Variants in TTLL11 observed in about 807,000 individuals in gnomAD.
TTLL11 encodes tubulin polyglutamylase TTLL11.
Under a neutral mutation model 51.7 loss-of-function variants are expected in TTLL11, and 42 were observed. The observed-to-expected ratio is 0.81, with a 90% confidence interval of 0.64 to 1.05. The LOEUF (loss-of-function observed/expected upper bound fraction) is 1.05, where lower values mean the gene tolerates loss of function less well. Ranked by LOEUF, TTLL11 falls within the 50% of genes least tolerant of loss-of-function variation. The pLI, the probability that TTLL11 is intolerant of heterozygous loss-of-function variation, is 0.00. For synonymous variants in TTLL11, 381 were observed against 383.5 expected (o/e 0.99, Z 0.08); for missense variants, 799 against 940.4 (o/e 0.85, Z 1.97).
intron 6 of TTLL11, among the ~76,000 whole-genome samples, chr9:121,891,291 C>A (rs1278908838): frequency 6.6e-6 from 1 of 152,206 alleles, no homozygotes; most frequent in Admixed American, 6.5e-5. Context: ...ACTGCTTCAA[C>A]CTGAAACAAT....
chr9:121,978,884 C>T (rs1842772241), intron 4 of TTLL11, among the ~76,000 whole-genome samples: 1 of 152,172 alleles, frequency 6.6e-6, no homozygotes. Flanking sequence ...ACAAATTCAG[C>T]GTATCCAAAC....
intron 3 of TTLL11, among the ~76,000 whole-genome samples, chr9:122,004,883 A>T (rs1442778618): frequency 6.6e-6 from 1 of 152,198 alleles, no homozygotes; most frequent in Non-Finnish European, 1.5e-5. Context: ...AAAGACAAGA[A>T]CCACATCAGC....
intron 1 of TTLL11, among the ~76,000 whole-genome samples, chr9:122,088,037 G>A (rs1846173103): frequency 6.6e-6 from 1 of 152,216 alleles, no homozygotes; most frequent in Admixed American, 6.5e-5. Context: ...AATCATCTGA[G>A]GGCTGGCATG....
chr9:122,027,483 A>G (rs1012942316), intron 3 of TTLL11, among the ~76,000 whole-genome samples: 1 of 152,226 alleles, frequency 6.6e-6, no homozygotes, highest in Non-Finnish European at 1.5e-5. Flanking sequence ...GGACATTAGT[A>G]GGACAACAGG....
intron 8 of TTLL11, among the ~76,000 whole-genome samples, chr9:121,849,708 C>A (rs1463866481): frequency 6.6e-6 from 1 of 152,110 alleles, no homozygotes; most frequent in African/African-American, 2.4e-5. Flanking sequence ...GCACTATATA[C>A]CTATCAAAAT....
At chr9:121,972,593 G>A (rs933547779) in intron 6 of TTLL11, among the ~76,000 whole-genome samples, 8 of 152,244 alleles carry the variant, frequency 5.3e-5, no homozygotes, top group African/African-American at 1.7e-4. Context: ...CAAGAACTCA[G>A]CCGGGCCGGC....
chr9:121,917,899 T>C (rs1273584871), intron 6 of TTLL11, among the ~76,000 whole-genome samples: 1 of 152,192 alleles, frequency 6.6e-6, no homozygotes, highest in Admixed American at 6.5e-5. Context: ...AAGCATGTGA[T>C]TCCACTTTAG....
chr9:121,870,396 A>T, intron 7 of TTLL11, 101 bp downstream of exon 7: 1 of 1,435,918 alleles, frequency 7.0e-7, no homozygotes, highest in Non-Finnish European at 9.3e-7. Flanking sequence ...ACCCAGCACC[A>T]CAGATTCTCC....
intron 7 of TTLL11, among the ~76,000 whole-genome samples, chr9:121,863,809 G>A (rs1254964547): frequency 1.3e-5 from 2 of 152,214 alleles, no homozygotes; most frequent in Admixed American, 1.3e-4. Flanking sequence ...CGTATGCTGA[G>A]GCTCAAGAGA....
At chr9:121,922,369 T>C (rs900487084) in intron 6 of TTLL11, among the ~76,000 whole-genome samples, 3 of 152,180 alleles carry the variant, frequency 2.0e-5, no homozygotes, top group Admixed American at 6.5e-5. Context: ...GGTGTCAATG[T>C]TGAATTTTTA....
chr9:122,023,426 T>C (rs377040754), intron 3 of TTLL11, among the ~76,000 whole-genome samples: 1 of 151,860 alleles, frequency 6.6e-6, no homozygotes, highest in Non-Finnish European at 1.5e-5. Flanking sequence ...AAGTAGAAAA[T>C]ATTTTATAAT....
chr9:121,952,038 C>A (rs1283571355), intron 6 of TTLL11, among the ~76,000 whole-genome samples: 1 of 152,182 alleles, frequency 6.6e-6, no homozygotes, highest in Non-Finnish European at 1.5e-5. Flanking sequence ...TTTACTGCAA[C>A]CTGTTTTATC....
chr9:121,900,537 C>T (rs888406510), intron 6 of TTLL11, among the ~76,000 whole-genome samples: 1 of 152,174 alleles, frequency 6.6e-6, no homozygotes. Context: ...TTTCTATTCT[C>T]ATTGGAAAAT....
At chr9:122,033,920 C>A (rs528250212) in intron 2 of TTLL11, among the ~76,000 whole-genome samples, 17 of 152,344 alleles carry the variant, frequency 1.1e-4, no homozygotes, top group Middle Eastern at 3.4e-3. Flanking sequence ...AAAATCACAG[C>A]TATTTCCTTT....
intron 1 of TTLL11, among the ~76,000 whole-genome samples, chr9:122,091,291 C>T (rs1406756020): frequency 1.3e-5 from 2 of 152,194 alleles, no homozygotes; most frequent in African/African-American, 2.4e-5. Context: ...ACAAGTTGTC[C>T]AGTTGTACCT....
chr9:121,824,217 C>A (rs1384629489), intron 8 of TTLL11, among the ~76,000 whole-genome samples: 1 of 152,128 alleles, frequency 6.6e-6, no homozygotes, highest in Non-Finnish European at 1.5e-5. Context: ...TGGCTCACAC[C>A]TGTAATCCTA....
At chr9:122,055,244 A>ATAGATAG (rs1244985561) in intron 1 of TTLL11, among the ~76,000 whole-genome samples, 108 of 41,358 alleles carry the variant, frequency 2.6e-3, no homozygotes, top group Middle Eastern at 0.026. Context: ...TAGATAGATA[A>ATAGATAG]AGGGGAGTTT....
At chr9:122,033,393 G>A (rs554351811) in intron 2 of TTLL11, among the ~76,000 whole-genome samples, 8 of 152,282 alleles carry the variant, frequency 5.3e-5, no homozygotes, top group African/African-American at 1.9e-4. Context: ...GATTACAGAC[G>A]TGGCCACCGC....
At chr9:122,090,274 G>A (rs1292680948) in intron 1 of TTLL11, among the ~76,000 whole-genome samples, 3 of 152,128 alleles carry the variant, frequency 2.0e-5, no homozygotes, top group Non-Finnish European at 1.5e-5. Context: ...TAACTGACTT[G>A]CCCTGATAAA....
Sources: allele counts gnomAD v4.1 joint callset (sites outside exome capture counted in the v4.1 genomes callset), GRCh38; gene constraint gnomAD v4.1.1; transcripts MANE v1.5; gene names NCBI Gene and HGNC (gene_info 2026-07-23, HGNC 2026-07-21).